The following ATG4B variants were observed in gnomAD, a reference collection of about 807,000 sequenced individuals.
The protein encoded by ATG4B is autophagy related 4B cysteine peptidase, also known as cysteine protease ATG4B.
ATG4B carries 29 observed loss-of-function variants against 56.6 expected under a neutral mutation model. The ratio of observed to expected loss-of-function variants is 0.51; its 90% CI spans 0.38 to 0.70. ATG4B has a LOEUF of 0.70. ATG4B is among the 30% of genes least tolerant of loss of function. The pLI is 0.00. For missense variants in ATG4B, 461 were observed against 515.5 expected, an observed-to-expected ratio of 0.89 and a Z score of 1.02; for synonymous variants, 224 against 206.1, an observed-to-expected ratio of 1.09 and a Z score of -0.74.
At position 241,661,593 on chromosome 2, in the gene ATG4B, G is replaced by T. The variant is rs113873231; in HGVS notation, c.538+2406G>T. On this transcript the variant is annotated intron_variant, in intron 7 of 12. Coordinates refer to ENST00000404914, the MANE Select transcript of ATG4B (RefSeq NM_013325.5). The stretch of plus-strand genomic sequence containing the variant: ...TTTCTCGGAACTGCTTGTGGAAGGA[G>T]CAGTTAGATAGGAGAAGACTGATGC... 8.0e-3 allele frequency among the ~76,000 whole-genome samples: 1,222 copies of T among 152,330 alleles called. 20 individuals are homozygous for T. The highest frequency in any genetic ancestry group is 0.027 in the East Asian group (139 of 5,190).
chr2:241,663,787 C>T (rs1310697272), intron 7 of ATG4B, among the ~76,000 whole-genome samples: 1 of 151,602 alleles, frequency 6.6e-6, no homozygotes, highest in Non-Finnish European at 1.5e-5. Flanking sequence ...TCAAGACCAG[C>T]CTGGGCAACA....
chr2:241,669,268 A>G (rs1396332234), intron 10 of ATG4B, among the ~76,000 whole-genome samples: 3 of 152,252 alleles, frequency 2.0e-5, no homozygotes, highest in African/African-American at 7.2e-5. Flanking sequence ...AAAGAGGCCA[A>G]AAAACCCCCC....
chr2:241,665,964 G>A (rs189579243), intron 7 of ATG4B, among the ~76,000 whole-genome samples: 6 of 152,322 alleles, frequency 3.9e-5, no homozygotes, highest in South Asian at 2.1e-4. Flanking sequence ...ACCTTTGGCC[G>A]GTGGCCACCT....
intron 1 of ATG4B, among the ~76,000 whole-genome samples, chr2:241,646,562 T>G (rs2068065152): frequency 6.6e-6 from 1 of 152,232 alleles, no homozygotes; most frequent in South Asian, 2.1e-4. Context: ...GTTTTGAATT[T>G]TGATCTTTTT....
chr2:241,643,606 A>G (rs910006460), intron 1 of ATG4B, among the ~76,000 whole-genome samples: 1 of 147,924 alleles, frequency 6.8e-6, no homozygotes, highest in African/African-American at 2.5e-5. Flanking sequence ...ATATAAACAT[A>G]TATATACGTA....
intron 1 of ATG4B, among the ~76,000 whole-genome samples, chr2:241,642,579 G>A (rs1475207399): frequency 7.6e-6 from 1 of 131,500 alleles, no homozygotes; most frequent in Admixed American, 7.6e-5. Flanking sequence ...GTTTTTTTTT[G>A]TAGTCCTCTC....
chr2:241,668,536 C>T lies in ATG4B; in HGVS notation c.812-4C>T. On this transcript the variant is annotated splice_polypyrimidine_tract_variant and splice_region_variant and intron_variant, in intron 9 of 12. Coordinates refer to ENST00000404914, the MANE Select transcript of ATG4B (RefSeq NM_013325.5). The surrounding 1 kb of genome is among the most constrained non-coding windows in gnomAD (Gnocchi z 4.2). ...CCACCTGCCCACCTGCCTCATCCTCCCAGGTGAGGAGCTCATCTACCTGGA... is the reference window on the plus strand; with the variant it reads ...CCACCTGCCCACCTGCCTCATCCTCTCAGGTGAGGAGCTCATCTACCTGGA... 6.2e-7 allele frequency: 1 copy of T among 1,607,876 alleles called. No homozygotes were observed. The highest frequency in any genetic ancestry group is 8.5e-7 in the Non-Finnish European group (1 of 1,179,086).
intron 7 of ATG4B, among the ~76,000 whole-genome samples, chr2:241,660,857 C>A (rs560554836): frequency 6.6e-6 from 1 of 152,206 alleles, no homozygotes; most frequent in Non-Finnish European, 1.5e-5. Flanking sequence ...GTTCCGCACG[C>A]GTGCTCAGGA....
chr2:241,665,694 T>A (rs1377704228), intron 7 of ATG4B, among the ~76,000 whole-genome samples: 3 of 152,236 alleles, frequency 2.0e-5, no homozygotes, highest in African/African-American at 2.4e-5. Flanking sequence ...TCTTTTTTCC[T>A]TTGTAATTAA....
chr2:241,667,987 T>C, intron 8 of ATG4B, 156 bp from the exon 9 acceptor site: 2 of 662,374 alleles, frequency 3.0e-6, no homozygotes, highest in East Asian at 2.8e-5. Flanking sequence ...CTGTGGTCTT[T>C]CCTGGACAGT....
At chr2:241,642,903 C>T (rs1236835915) in intron 1 of ATG4B, among the ~76,000 whole-genome samples, 2 of 46,572 alleles carry the variant, frequency 4.3e-5, no homozygotes, top group Non-Finnish European at 7.8e-5. Flanking sequence ...TTTTTTAAGA[C>T]GGAGTCTCAC....
At position 241,637,720 on chromosome 2, in the gene ATG4B, C is replaced by T. The variant is rs369272637; in HGVS notation, c.6C>T (p.Asp2=). M[D]AATLTYDTLR... ...TCGGCGGCCGGACTGGGAAGATGGA[C>T]GCAGGTGAGGAGTTGCCGGGGGTCG... Residue 2 remains aspartate, a synonymous_variant, in exon 1 of 13, where the codon GAC becomes GAT. Coordinates refer to ENST00000404914, the MANE Select transcript of ATG4B (RefSeq NM_013325.5). 6.3e-6 allele frequency: 10 copies of T among 1,581,744 alleles called. No individual in the cohort carries two copies. The East Asian group carries it at 1.2e-4, about 20-fold the overall frequency.
chr2:241,645,195 C>G (rs1415596224), intron 1 of ATG4B, among the ~76,000 whole-genome samples: 1 of 152,092 alleles, frequency 6.6e-6, no homozygotes, highest in East Asian at 1.9e-4. Context: ...TGTGGGGCCC[C>G]TAGAGTACAG....
chr2:241,653,434 G>A (rs1022984011), intron 3 of ATG4B, 78 bp from the exon 4 acceptor site: 61 of 1,550,988 alleles, frequency 3.9e-5, no homozygotes, highest in South Asian at 2.1e-4. Context: ...GGGACTGACC[G>A]GCTGCCTCCT....
At chr2:241,645,386 A>G (rs575006753) in intron 1 of ATG4B, among the ~76,000 whole-genome samples, 1 of 152,244 alleles carries the variant, frequency 6.6e-6, no homozygotes, top group African/African-American at 2.4e-5. Context: ...AGTGTTAGTA[A>G]AGAGACTCAT....
intron 10 of ATG4B, among the ~76,000 whole-genome samples, chr2:241,669,078 G>A (rs917849281): frequency 1.8e-5 from 2 of 113,708 alleles, no homozygotes; most frequent in Non-Finnish European, 4.0e-5. Flanking sequence ...ATTTAAACAC[G>A]GGCGGCCCCT....
chr2:241,640,053 G>A (rs1018602422), intron 1 of ATG4B, among the ~76,000 whole-genome samples: 1 of 152,200 alleles, frequency 6.6e-6, no homozygotes, highest in African/African-American at 2.4e-5. Flanking sequence ...TGAGGCTGGA[G>A]TATCATATGA....
chr2:241,639,636 C>T (rs2067825243), intron 1 of ATG4B, among the ~76,000 whole-genome samples: 1 of 152,212 alleles, frequency 6.6e-6, no homozygotes, highest in Non-Finnish European at 1.5e-5. Flanking sequence ...AAACACCCCT[C>T]AGCAGAGAGG....
At chr2:241,653,990 G>GAA (rs34757883) in intron 4 of ATG4B, among the ~76,000 whole-genome samples, 1,335 of 72,834 alleles carry the variant, frequency 0.018, 13 homozygotes, top group Non-Finnish European at 0.029. Flanking sequence ...GACCCTATCT[G>GAA]AAAAAAAAAA....
Sources: allele counts gnomAD v4.1 joint callset (sites outside exome capture counted in the v4.1 genomes callset), GRCh38; gene constraint gnomAD v4.1.1; non-coding constraint Gnocchi (gnomAD v3.1); transcripts MANE v1.5; gene names NCBI Gene and HGNC (gene_info 2026-07-23, HGNC 2026-07-21).